KCNQ4: variants seen among roughly 807,000 people sequenced by gnomAD.
The protein encoded by KCNQ4 is potassium voltage-gated channel subfamily KQT member 4.
A neutral mutation model predicts 72.6 loss-of-function variants in KCNQ4; 31 were observed. That is an observed-to-expected ratio of 0.43 (90% confidence interval 0.32 to 0.58). The LOEUF (loss-of-function observed/expected upper bound fraction) is 0.58, where lower values mean the gene tolerates loss of function less well. KCNQ4 is among the 20% of genes least tolerant of loss of function. The pLI, the probability that KCNQ4 is intolerant of heterozygous loss-of-function variation, is 0.08. For missense variants in KCNQ4, 869 were observed against 962.6 expected (o/e 0.90, Z 1.29); for synonymous variants, 405 against 403.7 (o/e 1.00, Z -0.04).
In KCNQ4 at chr1:40,819,362, T is replaced by C; in HGVS notation, c.724T>C (p.Trp242Arg). The change falls in exon 5 of 14, where the codon TGG becomes CGG. Residue 242 changes from tryptophan to arginine, a missense_variant. By Grantham distance (101) the Trp-to-Arg change is moderately radical (BLOSUM62 -3). Around this residue, in one of 5 missense-constraint regions of KCNQ4, gnomAD observed 179 missense variants for 243.0 expected, o/e 0.74. Transcript: ENST00000347132. ...TGCCCCGCAGGAGCTGATCACCGCC[T>C]GGTACATCGGGTTCCTGGTGCTCAT... The part of the protein sequence containing the change: ...YAHSKELITA[W>R]YIGFLVLIFA... 6.2e-7 allele frequency: 1 copy of C among 1,613,772 alleles called. No individual in the cohort carries two copies. The highest frequency in any genetic ancestry group is 8.5e-7 in the Non-Finnish European group (1 of 1,179,942).
At position 40,838,397 on chromosome 1, in the gene KCNQ4, C is replaced by A. The variant is rs760958171; in HGVS notation, c.1962C>A (p.Ala654=). The change falls in exon 14 of 14, where the codon GCC becomes GCA. Residue 654 remains alanine (A), a synonymous_variant. Transcript: ENST00000347132. The stretch of plus-strand genomic sequence containing the variant: ...CTGGCACCTCGGCCAGCCTGGGCGC[C>A]GTGCAAGTGCCGCTGTTCGACCCCG... ...LRSGTSASLG[A]VQVPLFDPDI... 1 of 1,614,076 alleles carries A rather than the reference C, an allele frequency of 6.2e-7. No homozygotes were observed. The highest frequency in any genetic ancestry group is 8.5e-7 in the Non-Finnish European group (1 of 1,179,956).
chr1:40,833,942 G>A (rs1479697390), intron 11 of KCNQ4, among the ~76,000 whole-genome samples: 1 of 151,970 alleles, frequency 6.6e-6, no homozygotes, highest in African/African-American at 2.4e-5. Flanking sequence ...GCAGGAGTTT[G>A]AGGCTGTAGT....
At chr1:40,787,513 A>G (rs709688) in intron 1 of KCNQ4, among the ~76,000 whole-genome samples, 137,714 of 152,216 alleles carry the variant, frequency 0.9, 62,973 homozygotes, top group African/African-American at 0.95. Flanking sequence ...CTGGCTCCAA[A>G]AGGTGGGAGA....
intron 1 of KCNQ4, among the ~76,000 whole-genome samples, chr1:40,804,182 C>T (rs1345602578): frequency 6.6e-6 from 1 of 152,228 alleles, no homozygotes; most frequent in Non-Finnish European, 1.5e-5. Context: ...ATGCTTGAAC[C>T]CACTGCCACA....
chr1:40,821,866 C>A (rs1648307732), intron 7 of KCNQ4, among the ~76,000 whole-genome samples: 1 of 152,146 alleles, frequency 6.6e-6, no homozygotes. Context: ...GCATGAAGTG[C>A]CTACTATATA....
chr1:40,787,104 CT>C (rs1647210890), intron 1 of KCNQ4, among the ~76,000 whole-genome samples: 1 of 152,172 alleles, frequency 6.6e-6, no homozygotes, highest in Non-Finnish European at 1.5e-5. Flanking sequence ...GAGAAGGGCT[CT>C]GGGCGGGGCG....
In KCNQ4 at chr1:40,801,822, C is replaced by G. The variant is rs111859473; in HGVS notation, c.315-15443C>G. On this transcript the variant is annotated intron_variant, in intron 1 of 13. Coordinates refer to ENST00000347132, the MANE Select transcript of KCNQ4 (RefSeq NM_004700.4). Reference sequence around the variant, plus strand: ...GTCTCTGTAAGAACAGCCTGGCCCTCGGGGCCAGGACCTGGGCTCAGGCCT... The same window carrying G: ...GTCTCTGTAAGAACAGCCTGGCCCTGGGGGCCAGGACCTGGGCTCAGGCCT... Among the ~76,000 whole-genome samples the G allele has an allele frequency of 2.6e-4, 39 of 152,328 alleles. 1 individual carries two copies. Among genetic ancestry groups the G allele is most frequent in the African/African-American group, 9.1e-4 (38 of 41,568 alleles).
chr1:40,837,087 TTTTC>T (rs138503554), intron 12 of KCNQ4, among the ~76,000 whole-genome samples: 23,173 of 142,040 alleles, frequency 0.16, 1,993 homozygotes, highest in African/African-American at 0.28. Context: ...TTTTCTTTTC[TTTTC>T]TTTTTTTTTT....
chr1:40,788,605 T>A lies in KCNQ4; in HGVS notation c.314+4198T>A, dbSNP rs138553394. Among the ~76,000 whole-genome samples the A allele has an allele frequency of 0.013, 1,921 of 152,252 alleles. 19 individuals carry two copies. Among genetic ancestry groups the A allele is most frequent in the Non-Finnish European group, 0.018 (1,220 of 68,016 alleles). On this transcript the variant is annotated intron_variant, in intron 1 of 13. Coordinates refer to ENST00000347132, the MANE Select transcript of KCNQ4 (RefSeq NM_004700.4). This position sits in a 1 kb window ranked among gnomAD's most constrained non-coding sequence, Gnocchi z 4.5. ...GCCACCCAGTTAATGTGGAAGAGCC[T>A]CAGCCCGGAGCGGGGGCTGACTGGG...
At chr1:40,787,324 G>A (rs1345032118) in intron 1 of KCNQ4, among the ~76,000 whole-genome samples, 5 of 152,170 alleles carry the variant, frequency 3.3e-5, no homozygotes, top group Non-Finnish European at 5.9e-5. Flanking sequence ...AACTGTGATT[G>A]CACCACTGCA....
chr1:40,790,695 C>T (rs1212744734), intron 1 of KCNQ4, among the ~76,000 whole-genome samples: 1 of 152,204 alleles, frequency 6.6e-6, no homozygotes, highest in Non-Finnish European at 1.5e-5. Context: ...TTGTTTCTTC[C>T]TTCATCTGGC....
intron 10 of KCNQ4, 105 bp downstream of exon 10, chr1:40,831,409 G>T: frequency 1.1e-6 from 1 of 908,190 alleles, no homozygotes; most frequent in Non-Finnish European, 1.7e-6. Flanking sequence ...CTCAGCTCTG[G>T]AACTGATGGA....
Position 40,824,561 on chromosome 1 carries a change from G to A in KCNQ4, c.1292+303G>A, listed in dbSNP as rs551329027. Among the ~76,000 whole-genome samples, 200 of 152,120 alleles carry A rather than the reference G, an allele frequency of 1.3e-3. 1 individual carries two copies. Among genetic ancestry groups the A allele is most frequent in the Middle Eastern group, 6.8e-3 (2 of 294 alleles). On this transcript the variant is annotated intron_variant, in intron 9 of 13. Transcript: ENST00000347132. ...GTCCTCTTTCTTTCTCTGTTCCCACGTCCCCCTTACTCCTCCATCCCTGCA... is the reference window on the plus strand; with the variant it reads ...GTCCTCTTTCTTTCTCTGTTCCCACATCCCCCTTACTCCTCCATCCCTGCA...
intron 1 of KCNQ4, among the ~76,000 whole-genome samples, chr1:40,786,495 C>T (rs966589556): frequency 5.3e-5 from 8 of 152,052 alleles, no homozygotes; most frequent in African/African-American, 1.2e-4. Flanking sequence ...CACTTGTCCC[C>T]GGGAGCCCAG....
intron 12 of KCNQ4, among the ~76,000 whole-genome samples, chr1:40,836,086 G>C (rs570896169): frequency 6.6e-6 from 1 of 152,348 alleles, no homozygotes; most frequent in Non-Finnish European, 1.5e-5. Context: ...CCTGGGTGCT[G>C]TGTTGAGGAT....
intron 1 of KCNQ4, among the ~76,000 whole-genome samples, chr1:40,808,114 A>T (rs1647818232): frequency 6.6e-6 from 1 of 152,152 alleles, no homozygotes; most frequent in African/African-American, 2.4e-5. Context: ...CTCAAAAGAA[A>T]AGAAATCAGG....
chr1:40,831,023 A>C, intron 9 of KCNQ4, 61 bp from the exon 10 acceptor site: 5 of 1,380,702 alleles, frequency 3.6e-6, no homozygotes, highest in Non-Finnish European at 5.0e-6. Flanking sequence ...CTTTGTCCCC[A>C]CTCACCCCCA....
chr1:40,819,380 G>A lies in KCNQ4; in HGVS notation c.742G>A (p.Val248Met). 6.2e-7 allele frequency: 1 copy of A among 1,613,862 alleles called. No homozygotes were observed. The highest frequency in any genetic ancestry group is 8.5e-7 in the Non-Finnish European group (1 of 1,179,972). The change falls in exon 5 of 14, where the codon GTG becomes ATG. Residue 248 changes from valine (V) to methionine (M), a missense_variant. Val to Met is a conservative substitution (Grantham distance 21, BLOSUM62 1). Coordinates refer to ENST00000347132, the MANE Select transcript of KCNQ4 (RefSeq NM_004700.4). ...LITAWYIGFL[V>M]LIFASFLVYL... The stretch of plus-strand genomic sequence containing the variant: ...CACCGCCTGGTACATCGGGTTCCTG[G>A]TGCTCATCTTCGCCTCCTTCCTGGT...
In KCNQ4 at chr1:40,831,322, T is replaced by G. The variant is rs1648641137; in HGVS notation, c.1513+18T>G. ...TGCTGAGGGTAAGCCCCCGGGGGGC[T>G]GAGTCCGATCGAGGGCCGGCTGAGG... On this transcript the variant is annotated intron_variant, in intron 10 of 13. Transcript: ENST00000347132. 1 of 1,570,296 alleles carries G rather than the reference T, an allele frequency of 6.4e-7. No individual in the cohort carries two copies. Among genetic ancestry groups the G allele is most frequent in the South Asian group, 1.2e-5 (1 of 85,980 alleles).
Sources: gnomAD v4.1 joint callset for allele counts (sites outside exome capture counted in the v4.1 genomes callset) on GRCh38, gnomAD v4.1.1 for gene constraint, gnomAD v4.1.1 regional missense constraint, Gnocchi (gnomAD v3.1) non-coding constraint, MANE v1.5 for transcripts, NCBI Gene and HGNC (gene_info 2026-07-23, HGNC 2026-07-21) for gene names.